The following RORB variants were observed in gnomAD, a reference collection of about 807,000 sequenced individuals.
The protein encoded by RORB is RAR related orphan receptor B.
RORB carries 6 observed loss-of-function variants against 59.1 expected under a neutral mutation model. The observed-to-expected ratio is 0.10, with a 90% confidence interval of 0.06 to 0.20. The LOEUF (loss-of-function observed/expected upper bound fraction) is 0.20, where lower values mean the gene tolerates loss of function less well. Among genes scored for constraint, RORB ranks in the 10% least tolerant of loss-of-function variants. RORB has a pLI of 1.00. For missense variants in RORB, 320 were observed against 560.5 expected (o/e 0.57, Z 4.33); for synonymous variants, 215 against 204.5 (o/e 1.05, Z -0.44).
intron 1 of RORB, among the ~76,000 whole-genome samples, chr9:74,545,645 A>C (rs1364229814): frequency 6.6e-6 from 1 of 152,180 alleles, no homozygotes; most frequent in African/African-American, 2.4e-5. Flanking sequence ...GTAGAAAACT[A>C]ATCTGATTAG....
At chr9:74,634,164 GA>G (rs1368591160) in intron 2 of RORB, among the ~76,000 whole-genome samples, 2 of 151,224 alleles carry the variant, frequency 1.3e-5, no homozygotes, top group East Asian at 3.9e-4. Context: ...TAGAAACTAA[GA>G]AAACAGTAGT....
chr9:74,659,636 G>A lies in RORB; in HGVS notation c.638-981G>A, dbSNP rs374975297. On this transcript the variant is annotated intron_variant, in intron 4 of 9. Transcript: ENST00000376896. ...CTCCTGAGTAGCTGGGATTACAGGC[G>A]TGTGCCACCACACCTGGCTAATTTT... Among the ~76,000 whole-genome samples, 12 of 152,066 alleles carry A rather than the reference G, an allele frequency of 7.9e-5. No individual in the cohort carries two copies. The East Asian group carries it at 1.4e-3, about 17-fold the overall frequency.
At chr9:74,522,088 A>C (rs780198833) in intron 1 of RORB, among the ~76,000 whole-genome samples, 39 of 151,846 alleles carry the variant, frequency 2.6e-4, no homozygotes, top group Non-Finnish European at 4.4e-4. Context: ...TCTGCAACAA[A>C]GCAGAAGATG....
In RORB at chr9:74,536,428, T is replaced by C. The variant is rs1397322374; in HGVS notation, c.7+38445T>C. On this transcript the variant is annotated intron_variant, in intron 1 of 9. Transcript: ENST00000376896. The stretch of plus-strand genomic sequence containing the variant: ...TAATAGACAGAGAGGATCCTTTCTA[T>C]GTTAACTAGTTCTTCGAGTTCATGT... 2.6e-5 allele frequency among the ~76,000 whole-genome samples: 4 copies of C among 152,076 alleles called. No homozygotes were observed. The South Asian group carries it at 6.2e-4, about 24-fold the overall frequency.
At chr9:74,516,220 A>T (rs773204652) in intron 1 of RORB, among the ~76,000 whole-genome samples, 2 of 152,096 alleles carry the variant, frequency 1.3e-5, no homozygotes, top group Non-Finnish European at 2.9e-5. Flanking sequence ...ATTAGATAAC[A>T]TCATAACATG....
At chr9:74,585,668 G>T (rs552060623) in intron 1 of RORB, among the ~76,000 whole-genome samples, 2 of 151,856 alleles carry the variant, frequency 1.3e-5, no homozygotes, top group South Asian at 4.2e-4. Flanking sequence ...TTTTTTCTCC[G>T]CTATAAAAAG....
At chr9:74,600,952 A>G (rs1823044918) in intron 1 of RORB, among the ~76,000 whole-genome samples, 2 of 152,176 alleles carry the variant, frequency 1.3e-5, no homozygotes. Flanking sequence ...GGCAGGTAAA[A>G]GGCAATCTGA....
rs1346076375 is a variant in RORB at position 74,672,025 on chromosome 9, A to G, written c.1224+124A>G. On this transcript the variant is annotated intron_variant, in intron 9 of 9. Coordinates refer to ENST00000376896, the MANE Select transcript of RORB (RefSeq NM_006914.4). ...TTCTGAAAGTTACCAAAGACTGCAT[A>G]AATTGTGAGGTATGCAATTTAAAAG... 8.6e-6 allele frequency: 5 copies of G among 581,394 alleles called. No homozygotes were observed. In the Admixed American group the frequency reaches 1.6e-4, roughly 19 times the overall value. 36.0% of individuals were successfully genotyped at this position (581,394 alleles called of 1,614,324 possible).
At chr9:74,546,065 G>C (rs1826483748) in intron 1 of RORB, among the ~76,000 whole-genome samples, 1 of 152,216 alleles carries the variant, frequency 6.6e-6, no homozygotes, top group South Asian at 2.1e-4. Flanking sequence ...TGAATATAAA[G>C]ACATGGCAGA....
At chr9:74,501,755 GA>G (rs11322373) in intron 1 of RORB, among the ~76,000 whole-genome samples, 45,225 of 152,052 alleles carry the variant, frequency 0.3, 7,051 homozygotes, top group Admixed American at 0.39. Flanking sequence ...AGAAGTGCTT[GA>G]CATACTGGAC....
intron 1 of RORB, among the ~76,000 whole-genome samples, chr9:74,602,956 C>T (rs999527703): frequency 6.6e-6 from 1 of 152,138 alleles, no homozygotes; most frequent in African/African-American, 2.4e-5. Flanking sequence ...GCTCATGTAA[C>T]TAGCTAATGT....
intron 1 of RORB, among the ~76,000 whole-genome samples, chr9:74,504,495 A>C (rs1438249048): frequency 6.6e-6 from 1 of 152,090 alleles, no homozygotes; most frequent in Non-Finnish European, 1.5e-5. Flanking sequence ...CTCTTATAAA[A>C]GAACAAAAGT....
intron 4 of RORB, among the ~76,000 whole-genome samples, chr9:74,658,644 A>G (rs562313932): frequency 3.3e-5 from 5 of 152,324 alleles, no homozygotes; most frequent in African/African-American, 1.2e-4. Context: ...TTTGAAAACT[A>G]TAAAGCTATA....
In RORB at chr9:74,674,586, C is replaced by G. The variant is rs1824403922; in HGVS notation, c.1224+2685C>G. Among the ~76,000 whole-genome samples the G allele has an allele frequency of 2.0e-5, 3 of 152,196 alleles. No individual in the cohort carries two copies. The South Asian group carries it at 6.2e-4, about 31-fold the overall frequency. ...CAATCTCCAACACACTTTCTACATG[C>G]CTACTTCCTGAAATTAAAGTTCAGG... On this transcript the variant is annotated intron_variant, in intron 9 of 9. Transcript: ENST00000376896.
intron 1 of RORB, among the ~76,000 whole-genome samples, chr9:74,579,990 G>T (rs1291302056): frequency 6.6e-6 from 1 of 152,106 alleles, no homozygotes; most frequent in East Asian, 1.9e-4. Flanking sequence ...ACTTTTTACA[G>T]TATGTTGTTA....
intron 1 of RORB, among the ~76,000 whole-genome samples, chr9:74,528,243 A>C (rs1391365631): frequency 6.6e-6 from 1 of 152,004 alleles, no homozygotes; most frequent in Non-Finnish European, 1.5e-5. Context: ...CTTAGAGTCC[A>C]AGTGTTGAAA....
intron 1 of RORB, among the ~76,000 whole-genome samples, chr9:74,588,456 T>A (rs1822839811): frequency 6.6e-6 from 1 of 151,994 alleles, no homozygotes; most frequent in African/African-American, 2.4e-5. Flanking sequence ...TCAATACCTA[T>A]GTTTTTAATC....
intron 1 of RORB, among the ~76,000 whole-genome samples, chr9:74,626,376 C>T (rs1204343919): frequency 6.6e-6 from 1 of 152,088 alleles, no homozygotes; most frequent in African/African-American, 2.4e-5. Flanking sequence ...AATTATATAG[C>T]ATTGATTTTA....
At chr9:74,508,717 A>T (rs1293212623) in intron 1 of RORB, among the ~76,000 whole-genome samples, 1 of 152,040 alleles carries the variant, frequency 6.6e-6, no homozygotes, top group Non-Finnish European at 1.5e-5. Context: ...GTCTTAAGGA[A>T]TTCCTTAGAT....
Sources: allele counts gnomAD v4.1 joint callset (sites outside exome capture counted in the v4.1 genomes callset), GRCh38; gene constraint gnomAD v4.1.1; transcripts MANE v1.5; gene names NCBI Gene and HGNC (gene_info 2026-07-23, HGNC 2026-07-21).